Variants in ZBBX observed in about 807,000 individuals in gnomAD.
The protein encoded by ZBBX is zinc finger B-box domain containing.
ZBBX carries 101 observed loss-of-function variants against 108.5 expected under a neutral mutation model. That is an observed-to-expected ratio of 0.93 (90% CI 0.79 to 1.10). The LOEUF is 1.10. ZBBX is among the 50% of genes least tolerant of loss of function. The probability of loss-of-function intolerance (pLI) is 0.00; values close to 1 mark genes in which losing one functional copy is unlikely to be tolerated. For synonymous variants in ZBBX, 356 were observed against 323.4 expected (o/e 1.10, Z -1.08); for missense variants, 1,009 against 941.4 (o/e 1.07, Z -0.94).
intron 20 of ZBBX, among the ~76,000 whole-genome samples, chr3:167,251,906 A>T (rs1342755376): frequency 1.4e-5 from 2 of 142,906 alleles, no homozygotes; most frequent in Non-Finnish European, 3.0e-5. Context: ...CTCTCGATTC[A>T]TCATGATGTT....
chr3:167,255,410 G>A (rs56001323), intron 20 of ZBBX, among the ~76,000 whole-genome samples: 48,769 of 151,456 alleles, frequency 0.32, 8,295 homozygotes, highest in East Asian at 0.66. Context: ...GAAAATGCTG[G>A]TACTAAACAT....
Position 167,240,116 on chromosome 3 carries a change from C to T in ZBBX, c.*677G>A, listed in dbSNP as rs1316662255. Among the ~76,000 whole-genome samples the T allele has an allele frequency of 1.3e-5, 2 of 152,094 alleles. No individual in the cohort carries two copies. Among genetic ancestry groups the T allele is most frequent in the Non-Finnish European group, 2.9e-5 (2 of 68,016 alleles). ...GGACACCTGGAGATTATAGAAACTA[C>T]AATTCAAGATGAGATCTGGGTGGGG... On this transcript the variant is annotated 3_prime_UTR_variant, in exon 22 of 22. Coordinates refer to ENST00000675490, the MANE Select transcript of ZBBX (RefSeq NM_001199201.2).
At chr3:167,243,855 A>G (rs1191535809) in intron 20 of ZBBX, among the ~76,000 whole-genome samples, 1 of 150,808 alleles carries the variant, frequency 6.6e-6, no homozygotes. Flanking sequence ...ACTGAAAAAT[A>G]GACCTCAATA....
At chr3:167,257,147 CT>C (rs1026647232) in intron 20 of ZBBX, among the ~76,000 whole-genome samples, 3 of 152,056 alleles carry the variant, frequency 2.0e-5, no homozygotes, top group African/African-American at 7.2e-5. Flanking sequence ...TATTGCCTGT[CT>C]TTTGTATAAA....
chr3:167,278,311 G>A (rs1340775048), intron 20 of ZBBX, among the ~76,000 whole-genome samples: 1 of 150,760 alleles, frequency 6.6e-6, no homozygotes, highest in Non-Finnish European at 1.5e-5. Context: ...GAATCCAGGA[G>A]CTGGTTTTTT....
chr3:167,309,101 T>C (rs1305743907), intron 16 of ZBBX, among the ~76,000 whole-genome samples: 2 of 152,188 alleles, frequency 1.3e-5, no homozygotes, highest in Non-Finnish European at 2.9e-5. Context: ...ATCTTTTAAT[T>C]TGCATGTAAT....
chr3:167,331,101 C>A (rs1038625454), intron 10 of ZBBX, among the ~76,000 whole-genome samples: 2 of 151,946 alleles, frequency 1.3e-5, no homozygotes, highest in African/African-American at 4.8e-5. Flanking sequence ...TCTGGGACTT[C>A]TAGACTACAG....
chr3:167,385,760 C>T (rs1051459114), intron 1 of ZBBX, among the ~76,000 whole-genome samples: 4 of 151,940 alleles, frequency 2.6e-5, no homozygotes, highest in African/African-American at 9.7e-5. Context: ...ATCAAGACAT[C>T]CCCAGGCGAT....
At chr3:167,354,494 G>GA (rs151050657) in intron 8 of ZBBX, among the ~76,000 whole-genome samples, 1 of 151,368 alleles carries the variant, frequency 6.6e-6, no homozygotes, top group Non-Finnish European at 1.5e-5. Flanking sequence ...TTAATCTGAA[G>GA]AAAAAAAAAC....
Position 167,240,604 on chromosome 3 carries a change from T to G in ZBBX, c.*189A>C. 1.9e-6 allele frequency: 1 copy of G among 528,730 alleles called. No homozygotes were observed. Among genetic ancestry groups the G allele is most frequent in the Non-Finnish European group, 3.2e-6 (1 of 307,996 alleles). The allele number at this position is 528,730 out of a possible 1,614,324, so 32.8% of individuals were successfully genotyped here. A position where few individuals can be genotyped will look rare whatever the true frequency, so the allele number is the denominator to read the frequency against. On this transcript the variant is annotated 3_prime_UTR_variant, in exon 22 of 22. Coordinates refer to ENST00000675490, the MANE Select transcript of ZBBX (RefSeq NM_001199201.2). ...CTGCAATATAGATTAGTGGTTGACA[T>G]ATAATATATCATTGGAAGAATAAGC...
intron 20 of ZBBX, among the ~76,000 whole-genome samples, chr3:167,262,206 CG>C (rs71176634): frequency 0.82 from 124,376 of 151,856 alleles, 51,328 homozygotes; most frequent in African/African-American, 0.93. Flanking sequence ...TTTTGTGGGT[CG>C]GGGGGGGCGT....
At chr3:167,317,195 T>G in intron 13 of ZBBX, 90 bp from the exon 14 acceptor site, 1 of 830,188 alleles carries the variant, frequency 1.2e-6, no homozygotes, top group Non-Finnish European at 1.9e-6. Context: ...AAAAGAAGAG[T>G]GTTCTCATGT....
intron 9 of ZBBX, among the ~76,000 whole-genome samples, chr3:167,348,318 A>AAG (rs1408007010): frequency 0.017 from 1,229 of 74,244 alleles, 17 homozygotes; most frequent in African/African-American, 0.063. Context: ...AAGAAAGAGA[A>AAG]AGAAAGAAAG....
chr3:167,303,563 T>C (rs924835302), intron 17 of ZBBX, among the ~76,000 whole-genome samples: 2 of 152,216 alleles, frequency 1.3e-5, no homozygotes, highest in Non-Finnish European at 2.9e-5. Flanking sequence ...CAGATGTTCA[T>C]TCAAGAGGCG....
At chr3:167,293,835 A>G (rs1438278098) in intron 18 of ZBBX, among the ~76,000 whole-genome samples, 1 of 152,226 alleles carries the variant, frequency 6.6e-6, no homozygotes, top group African/African-American at 2.4e-5. Flanking sequence ...CTGATAAGCA[A>G]CTTCAGCAAA....
chr3:167,304,856 A>G (rs776047378), intron 17 of ZBBX, among the ~76,000 whole-genome samples: 19 of 151,788 alleles, frequency 1.3e-4, no homozygotes, highest in Non-Finnish European at 2.7e-4. Context: ...TTCTTATCTC[A>G]CAAAGGTACA....
the ZBBX span, among the ~76,000 whole-genome samples, chr3:167,210,051 CT>C: frequency 6.6e-6 from 1 of 152,202 alleles, no homozygotes; most frequent in African/African-American, 2.4e-5. Context: ...TGTCATGCCA[CT>C]GCACTCCAGC....
At chr3:167,361,518 G>A (rs990384992) in intron 6 of ZBBX, among the ~76,000 whole-genome samples, 2 of 152,054 alleles carry the variant, frequency 1.3e-5, no homozygotes, top group African/African-American at 4.8e-5. Context: ...ATGAGAATCT[G>A]AGAACAATGA....
At chr3:167,338,065 T>A (rs1440020070) in intron 9 of ZBBX, among the ~76,000 whole-genome samples, 1 of 152,132 alleles carries the variant, frequency 6.6e-6, no homozygotes, top group Non-Finnish European at 1.5e-5. Context: ...CAAAACAGCC[T>A]TCAAGGCACA....
Sources: gnomAD v4.1 joint callset for allele counts (sites outside exome capture counted in the v4.1 genomes callset) on GRCh38, gnomAD v4.1.1 for gene constraint, MANE v1.5 for transcripts, NCBI Gene and HGNC (gene_info 2026-07-23, HGNC 2026-07-21) for gene names.